The following ZRANB3 variants were observed in gnomAD, a reference collection of about 807,000 sequenced individuals.
The protein encoded by ZRANB3 is zinc finger RANBP2-type containing 3, also known as DNA annealing helicase and endonuclease ZRANB3.
A neutral mutation model predicts 133.8 loss-of-function variants in ZRANB3; 125 were observed. The ratio of observed to expected loss-of-function variants is 0.93; its 90% confidence interval spans 0.81 to 1.08. ZRANB3 has a LOEUF of 1.08. ZRANB3 is among the 50% of genes least tolerant of loss of function. The pLI, the probability that ZRANB3 is intolerant of heterozygous loss-of-function variation, is 0.00. For missense variants in ZRANB3, 1,229 were observed against 1,275.5 expected (o/e 0.96, Z 0.56); for synonymous variants, 387 against 432.7 (o/e 0.89, Z 1.31).
intron 12 of ZRANB3, among the ~76,000 whole-genome samples, chr2:135,234,120 CA>C (rs1249622777): frequency 2.6e-5 from 4 of 151,778 alleles, no homozygotes; most frequent in African/African-American, 9.7e-5. Context: ...AAATGGAAAA[CA>C]AAAAAAGGCA....
chr2:135,313,502 G>T lies in ZRANB3; in HGVS notation c.953C>A (p.Thr318Asn). 1 of 1,610,764 alleles carries T rather than the reference G, an allele frequency of 6.2e-7. No individual in the cohort carries two copies. The highest frequency in any genetic ancestry group is 1.1e-5 in the South Asian group (1 of 90,438). The change falls in exon 8 of 21, where the codon ACT becomes AAT. Residue 318 changes from threonine to asparagine, a missense_variant. By Grantham distance (65) the Thr-to-Asn change is moderately conservative. Coordinates refer to ENST00000264159, the MANE Select transcript of ZRANB3 (RefSeq NM_032143.4). ...AGCAAAGAGTACCTTGGCAATAGCAGTTTGTTTAAACATGCGAGTTATCAA... is the reference window on the plus strand; with the variant it reads ...AGCAAAGAGTACCTTGGCAATAGCATTTTGTTTAAACATGCGAGTTATCAA... ...MGLITRMFKQ[T>N]AIAKAGAVKD...
At chr2:135,417,363 C>T (rs1411178420) in intron 2 of ZRANB3, among the ~76,000 whole-genome samples, 1 of 151,886 alleles carries the variant, frequency 6.6e-6, no homozygotes, top group Non-Finnish European at 1.5e-5. Flanking sequence ...TGAAAAAATG[C>T]TCATCATCAC....
intron 2 of ZRANB3, among the ~76,000 whole-genome samples, chr2:135,451,737 A>G (rs1690281285): frequency 6.6e-6 from 1 of 152,212 alleles, no homozygotes; most frequent in African/African-American, 2.4e-5. Flanking sequence ...AGTTTAAACC[A>G]CTAGAAGGAT....
At chr2:135,444,700 T>C (rs1689937943) in intron 2 of ZRANB3, among the ~76,000 whole-genome samples, 1 of 152,202 alleles carries the variant, frequency 6.6e-6, no homozygotes. Flanking sequence ...ACAAACTTTT[T>C]GGTAAAACGG....
intron 8 of ZRANB3, among the ~76,000 whole-genome samples, chr2:135,306,141 T>A (rs1180400300): frequency 6.6e-6 from 1 of 152,232 alleles, no homozygotes; most frequent in Non-Finnish European, 1.5e-5. Flanking sequence ...TGGGAAGTTT[T>A]AAACTATTAC....
intron 2 of ZRANB3, among the ~76,000 whole-genome samples, chr2:135,429,293 C>T (rs1002160147): frequency 2.0e-5 from 3 of 152,092 alleles, no homozygotes; most frequent in Admixed American, 2.0e-4. Context: ...AACAGAAAAC[C>T]AAGTGCCACA....
intron 6 of ZRANB3, among the ~76,000 whole-genome samples, chr2:135,342,337 C>T (rs557012985): frequency 4.0e-5 from 6 of 149,894 alleles, no homozygotes; most frequent in South Asian, 4.2e-4. Flanking sequence ...CACGCCTGGC[C>T]GACAACTGAC....
chr2:135,345,253 G>T, intron 6 of ZRANB3: 1 of 219,154 alleles, frequency 4.6e-6, no homozygotes, highest in Non-Finnish European at 9.2e-6. Flanking sequence ...ATAACCTGAG[G>T]TCAGGAGTTC....
intron 1 of ZRANB3, chr2:135,530,605 C>G (rs1012804961): frequency 4.6e-5 from 7 of 152,344 alleles, no homozygotes; most frequent in Admixed American, 3.3e-4. Context: ...TGACGTTCAA[C>G]GGGACAACGT....
In ZRANB3 at chr2:135,372,709, C is replaced by A. The variant is rs939206756; in HGVS notation, c.180+18093G>T. 4.0e-5 allele frequency among the ~76,000 whole-genome samples: 6 copies of A among 151,566 alleles called. No individual in the cohort carries two copies. The East Asian group carries it at 1.2e-3, about 29-fold the overall frequency. ...GGCTGAGGCAGGAGAATGGTGTGAACCCGGGAGGCGGAGCTTGCAGTAAGC... is the reference window on the plus strand; with the variant it reads ...GGCTGAGGCAGGAGAATGGTGTGAAACCGGGAGGCGGAGCTTGCAGTAAGC... On this transcript the variant is annotated intron_variant, in intron 3 of 20. Coordinates refer to ENST00000264159, the MANE Select transcript of ZRANB3 (RefSeq NM_032143.4).
At chr2:135,371,665 G>A (rs1686186736) in intron 3 of ZRANB3, among the ~76,000 whole-genome samples, 1 of 152,162 alleles carries the variant, frequency 6.6e-6, no homozygotes, top group African/African-American at 2.4e-5. Context: ...TTTTTAGGCT[G>A]AGAAATGACT....
chr2:135,401,949 C>A (rs576951269), intron 2 of ZRANB3, among the ~76,000 whole-genome samples: 1 of 152,204 alleles, frequency 6.6e-6, no homozygotes, highest in East Asian at 1.9e-4. Flanking sequence ...TAGCATCTGC[C>A]AAATAATACT....
chr2:135,207,304 C>T, intron 19 of ZRANB3, 130 bp downstream of exon 19: 1 of 1,104,744 alleles, frequency 9.1e-7, no homozygotes, highest in Non-Finnish European at 1.2e-6. Flanking sequence ...GGCTGATGGA[C>T]ATATGGGTCC....
At chr2:135,417,665 T>G (rs1307519161) in intron 2 of ZRANB3, among the ~76,000 whole-genome samples, 1 of 152,224 alleles carries the variant, frequency 6.6e-6, no homozygotes, top group Non-Finnish European at 1.5e-5. Context: ...TGCACACGTA[T>G]GTTTACTGTG....
At chr2:135,426,523 A>G (rs1185091358) in intron 2 of ZRANB3, among the ~76,000 whole-genome samples, 1 of 152,068 alleles carries the variant, frequency 6.6e-6, no homozygotes, top group Non-Finnish European at 1.5e-5. Flanking sequence ...CTTGGGATGC[A>G]AGATTGGTTC....
At chr2:135,266,472 A>C (rs1433921595) in intron 11 of ZRANB3, among the ~76,000 whole-genome samples, 1 of 151,978 alleles carries the variant, frequency 6.6e-6, no homozygotes, top group Non-Finnish European at 1.5e-5. Flanking sequence ...GCACCTTTTA[A>C]AGTCTAATAA....
At chr2:135,360,056 A>G (rs537807745) in intron 3 of ZRANB3, among the ~76,000 whole-genome samples, 1 of 152,352 alleles carries the variant, frequency 6.6e-6, no homozygotes, top group East Asian at 1.9e-4. Context: ...TCAGTTCTAA[A>G]TAAAATTTGA....
chr2:135,474,021 CCAAAAA>C (rs1166021871), intron 2 of ZRANB3, among the ~76,000 whole-genome samples: 1 of 151,942 alleles, frequency 6.6e-6, no homozygotes, highest in African/African-American at 2.4e-5. Flanking sequence ...CCTGTCTCTA[CCAAAAA>C]CAAAAATACG....
At chr2:135,513,996 T>C (rs578249747) in intron 1 of ZRANB3, among the ~76,000 whole-genome samples, 11 of 152,316 alleles carry the variant, frequency 7.2e-5, no homozygotes, top group African/African-American at 2.4e-4. Context: ...TTGGTTTATA[T>C]ATCTCTTTTG....
Sources: allele counts gnomAD v4.1 joint callset (sites outside exome capture counted in the v4.1 genomes callset), GRCh38; gene constraint gnomAD v4.1.1; transcripts MANE v1.5; gene names NCBI Gene and HGNC (gene_info 2026-07-23, HGNC 2026-07-21).